The following TMEM178B variants were observed in gnomAD, a reference collection of about 807,000 sequenced individuals.
TMEM178B encodes the protein transmembrane protein 178B.
In TMEM178B, 5 loss-of-function variants were observed where a neutral mutation model predicts 31.0. The observed-to-expected ratio is 0.16, with a 90% CI of 0.08 to 0.34. TMEM178B has a LOEUF of 0.34. Ranked by LOEUF, TMEM178B falls within the 10% of genes least tolerant of loss-of-function variation. The pLI, the probability that TMEM178B is intolerant of heterozygous loss-of-function variation, is 1.00. For missense variants in TMEM178B, 275 were observed against 400.3 expected, an observed-to-expected ratio of 0.69 and a Z score of 2.67; for synonymous variants, 164 against 164.0, an observed-to-expected ratio of 1.00 and a Z score of 0.00.
At chr7:141,268,140 A>AC (rs1458580841) in intron 2 of TMEM178B, among the ~76,000 whole-genome samples, 1 of 152,228 alleles carries the variant, frequency 6.6e-6, no homozygotes, top group Non-Finnish European at 1.5e-5. Context: ...ACCAAAATAA[A>AC]CTCGCACTAA....
chr7:141,388,690 C>T (rs1049630924), intron 2 of TMEM178B, among the ~76,000 whole-genome samples: 1 of 152,148 alleles, frequency 6.6e-6, no homozygotes, highest in Admixed American at 6.5e-5. Context: ...ATCACTGCAA[C>T]ATAAGTGGTG....
chr7:141,131,785 A>G (rs917569456), intron 1 of TMEM178B, among the ~76,000 whole-genome samples: 2 of 152,126 alleles, frequency 1.3e-5, no homozygotes, highest in South Asian at 2.1e-4. Flanking sequence ...CTTTTTGTGG[A>G]CAGATTTTCA....
At chr7:141,368,869 A>G (rs1414888472) in intron 2 of TMEM178B, among the ~76,000 whole-genome samples, 3 of 152,226 alleles carry the variant, frequency 2.0e-5, no homozygotes, top group Non-Finnish European at 2.9e-5. Context: ...CTAGAGGACC[A>G]TGCCGCTCCT....
At chr7:141,455,000 A>G (rs147311242) in intron 3 of TMEM178B, among the ~76,000 whole-genome samples, 1 of 151,926 alleles carries the variant, frequency 6.6e-6, no homozygotes, top group Non-Finnish European at 1.5e-5. Flanking sequence ...GGAGAAGAGG[A>G]CATTCCTGAT....
rs138573748 is a variant in TMEM178B, at chr7:141,246,262, A to G, written c.496+33558A>G. Among the ~76,000 whole-genome samples the G allele has an allele frequency of 1.9e-3, 291 of 152,348 alleles. 2 individuals are homozygous for G. In the East Asian group the frequency reaches 0.041, roughly 21 times the overall value. On this transcript the variant is annotated intron_variant, in intron 2 of 3. Transcript: ENST00000565468. ...TTAGTTCACATAAAAATGTATTACCAAATATCTATTACTTCTTGAGTAAAA... is the reference window on the plus strand; with the variant it reads ...TTAGTTCACATAAAAATGTATTACCGAATATCTATTACTTCTTGAGTAAAA...
intron 1 of TMEM178B, among the ~76,000 whole-genome samples, chr7:141,152,980 G>A (rs1355016259): frequency 6.6e-6 from 1 of 152,202 alleles, no homozygotes; most frequent in Non-Finnish European, 1.5e-5. Context: ...AAAAGGAGGT[G>A]CAGAGAAAGT....
chr7:141,430,742 A>T (rs1211842754), intron 2 of TMEM178B, among the ~76,000 whole-genome samples: 2 of 152,164 alleles, frequency 1.3e-5, no homozygotes, highest in Non-Finnish European at 2.9e-5. Context: ...TAGCAGGTTC[A>T]TTGCAGATTC....
chr7:141,166,189 A>G (rs998306567), intron 1 of TMEM178B, among the ~76,000 whole-genome samples: 2 of 152,182 alleles, frequency 1.3e-5, no homozygotes, highest in Admixed American at 6.5e-5. Flanking sequence ...CTTCTTCCCA[A>G]TTATGAAGTT....
intron 2 of TMEM178B, among the ~76,000 whole-genome samples, chr7:141,398,215 C>T (rs1214175513): frequency 6.6e-6 from 1 of 152,228 alleles, no homozygotes; most frequent in Middle Eastern, 3.2e-3. Flanking sequence ...CTGACTTTTA[C>T]AGTCTAGAAC....
intron 1 of TMEM178B, among the ~76,000 whole-genome samples, chr7:141,090,917 A>G (rs2129172259): frequency 6.6e-6 from 1 of 152,320 alleles, no homozygotes; most frequent in South Asian, 2.1e-4. Flanking sequence ...TCAGGGTTTT[A>G]AGGACTTCTC....
At chr7:141,079,349 G>A (rs1328480178) in intron 1 of TMEM178B, among the ~76,000 whole-genome samples, 1 of 152,190 alleles carries the variant, frequency 6.6e-6, no homozygotes, top group Non-Finnish European at 1.5e-5. Context: ...ATGTTCAGTA[G>A]CCGTATGTGC....
At chr7:141,223,300 T>G (rs1041296989) in intron 2 of TMEM178B, among the ~76,000 whole-genome samples, 5 of 152,142 alleles carry the variant, frequency 3.3e-5, no homozygotes, top group African/African-American at 1.2e-4. Flanking sequence ...TATTTTCATC[T>G]CTTTGCTCTG....
At chr7:141,325,015 C>T (rs1002463912) in intron 2 of TMEM178B, among the ~76,000 whole-genome samples, 1 of 152,024 alleles carries the variant, frequency 6.6e-6, no homozygotes, top group African/African-American at 2.4e-5. Flanking sequence ...TGTGAGGGGC[C>T]GATGACAATT....
intron 2 of TMEM178B, among the ~76,000 whole-genome samples, chr7:141,423,768 C>CAGATTTGAGTA (rs1801259290): frequency 6.7e-6 from 1 of 150,286 alleles, no homozygotes; most frequent in Non-Finnish European, 1.5e-5. Flanking sequence ...GTTAAAGGGG[C>CAGATTTGAGTA]AGATTTGAGT....
intron 2 of TMEM178B, among the ~76,000 whole-genome samples, chr7:141,403,147 G>GT (rs1800816055): frequency 6.6e-6 from 1 of 152,196 alleles, no homozygotes; most frequent in Non-Finnish European, 1.5e-5. Flanking sequence ...CCGTGACAAA[G>GT]TTATCTCACC....
intron 2 of TMEM178B, among the ~76,000 whole-genome samples, chr7:141,372,203 C>T (rs1800130324): frequency 6.6e-6 from 1 of 152,144 alleles, no homozygotes; most frequent in Non-Finnish European, 1.5e-5. Context: ...AATCCAGCAG[C>T]CAGTCCTCAG....
intron 2 of TMEM178B, among the ~76,000 whole-genome samples, chr7:141,343,537 T>C (rs1366461611): frequency 2.8e-5 from 4 of 145,454 alleles, no homozygotes; most frequent in Admixed American, 2.0e-4. Context: ...TTTTTTTTTT[T>C]TTTTTTTTTT....
chr7:141,506,994 C>A, the TMEM178B span, among the ~76,000 whole-genome samples: 1 of 152,162 alleles, frequency 6.6e-6, no homozygotes, highest in African/African-American at 2.4e-5. Flanking sequence ...CCTTTGACTC[C>A]ATGTCTCACA....
chr7:141,108,011 A>G (rs1795173171), intron 1 of TMEM178B, among the ~76,000 whole-genome samples: 1 of 152,198 alleles, frequency 6.6e-6, no homozygotes, highest in African/African-American at 2.4e-5. Flanking sequence ...TCTGTGTCAG[A>G]TGTTGCTGGT....
Sources: allele counts gnomAD v4.1 joint callset (sites outside exome capture counted in the v4.1 genomes callset), GRCh38; gene constraint gnomAD v4.1.1; transcripts MANE v1.5; gene names NCBI Gene and HGNC (gene_info 2026-07-23, HGNC 2026-07-21).